DPP6: variants seen among roughly 807,000 people sequenced by gnomAD.
DPP6 encodes dipeptidyl peptidase like 6, also known as A-type potassium channel modulatory protein DPP6.
A neutral mutation model predicts 122.6 loss-of-function variants in DPP6; 69 were observed. The ratio of observed to expected loss-of-function variants is 0.56; its 90% confidence interval spans 0.46 to 0.69. The LOEUF is 0.69. Ranked by LOEUF, DPP6 falls within the 30% of genes least tolerant of loss-of-function variation. The probability of loss-of-function intolerance (pLI) is 0.00; values close to 1 mark genes in which losing one functional copy is unlikely to be tolerated. For synonymous variants in DPP6, 418 were observed against 433.1 expected (o/e 0.97, Z 0.43); for missense variants, 928 against 1,116.9 (o/e 0.83, Z 2.41).
chr7:154,588,146 C>T (rs567685189), intron 5 of DPP6: 1 of 1,553,980 alleles, frequency 6.4e-7, no homozygotes, highest in Non-Finnish European at 8.7e-7. Context: ...GAGAGACACG[C>T]TGTCATCAGG....
At chr7:153,987,004 A>G (rs1321860069) in intron 1 of DPP6, among the ~76,000 whole-genome samples, 1 of 152,216 alleles carries the variant, frequency 6.6e-6, no homozygotes, top group Admixed American at 6.5e-5. Context: ...TATCCAGAGT[A>G]AGGTTAGTTC....
At chr7:153,808,515 T>C in the DPP6 span, among the ~76,000 whole-genome samples, 2 of 152,006 alleles carry the variant, frequency 1.3e-5, no homozygotes, top group Non-Finnish European at 2.9e-5. Flanking sequence ...AATACAGTGT[T>C]ATATACATTA....
At chr7:153,870,353 T>G in the DPP6 span, among the ~76,000 whole-genome samples, 2 of 152,220 alleles carry the variant, frequency 1.3e-5, no homozygotes, top group African/African-American at 4.8e-5. Context: ...TTTGTTTCTT[T>G]TTATTCTTTT....
the DPP6 span, among the ~76,000 whole-genome samples, chr7:153,852,925 G>A: frequency 6.6e-6 from 1 of 152,296 alleles, no homozygotes; most frequent in East Asian, 1.9e-4. Flanking sequence ...AATTAAGGAA[G>A]AGAACGGACA....
intron 1 of DPP6, among the ~76,000 whole-genome samples, chr7:154,136,490 G>A (rs941739775): frequency 7.9e-5 from 12 of 152,128 alleles, no homozygotes; most frequent in African/African-American, 2.4e-4. Flanking sequence ...GAAAAGGTGC[G>A]CGGTGCATTT....
intron 5 of DPP6, among the ~76,000 whole-genome samples, chr7:154,581,433 A>G (rs1275509210): frequency 2.0e-5 from 3 of 152,276 alleles, no homozygotes; most frequent in African/African-American, 4.8e-5. Context: ...ACTTCCTCCC[A>G]CACACCCTGA....
chr7:154,030,544 T>A (rs941062776), intron 1 of DPP6, among the ~76,000 whole-genome samples: 4 of 152,132 alleles, frequency 2.6e-5, no homozygotes, highest in Admixed American at 2.6e-4. Context: ...TTCCTGCTGC[T>A]CCAAAGCTGT....
At chr7:153,866,587 C>T in the DPP6 span, among the ~76,000 whole-genome samples, 1 of 152,238 alleles carries the variant, frequency 6.6e-6, no homozygotes, top group Admixed American at 6.5e-5. Flanking sequence ...AATTTTCTCC[C>T]ATTCTGTAGG....
chr7:154,061,814 G>A (rs1463328450), intron 1 of DPP6, among the ~76,000 whole-genome samples: 43 of 121,086 alleles, frequency 3.6e-4, no homozygotes, highest in African/African-American at 1.4e-3. Flanking sequence ...GACTGAGAGC[G>A]AGCCCCTCTT....
intron 10 of DPP6, chr7:154,793,724 C>T (rs1797834064): frequency 5.8e-6 from 1 of 172,598 alleles, no homozygotes; most frequent in South Asian, 1.7e-4. Flanking sequence ...GTTAGTTGTG[C>T]GTTTGCCTGG....
chr7:154,416,029 GGTC>G (rs1352171763), intron 1 of DPP6, among the ~76,000 whole-genome samples: 2 of 151,704 alleles, frequency 1.3e-5, no homozygotes, highest in Non-Finnish European at 1.5e-5. Flanking sequence ...AATTACCTGT[GGTC>G]AACTGAGATC....
At chr7:153,946,040 G>A (rs931140112) in intron 1 of DPP6, among the ~76,000 whole-genome samples, 66 of 152,088 alleles carry the variant, frequency 4.3e-4, no homozygotes, top group Non-Finnish European at 3.5e-4. Flanking sequence ...CTGCAGCCTC[G>A]TCCATCAGAG....
At chr7:154,332,370 C>T (rs1478784847) in intron 1 of DPP6, among the ~76,000 whole-genome samples, 1 of 152,226 alleles carries the variant, frequency 6.6e-6, no homozygotes. Flanking sequence ...CCACACCCGG[C>T]CATGGTTTTC....
intron 1 of DPP6, among the ~76,000 whole-genome samples, chr7:154,280,846 A>T (rs995818031): frequency 6.6e-6 from 1 of 152,200 alleles, no homozygotes; most frequent in Admixed American, 6.5e-5. Flanking sequence ...CAATTATCGT[A>T]GCCATCCCAC....
chr7:154,377,476 C>A (rs552080572), intron 1 of DPP6, among the ~76,000 whole-genome samples: 1 of 152,252 alleles, frequency 6.6e-6, no homozygotes, highest in East Asian at 1.9e-4. Context: ...GTGTCTCCAC[C>A]CAAATCTCAT....
chr7:154,432,650 A>G (rs7779869), intron 1 of DPP6, among the ~76,000 whole-genome samples: 24,155 of 152,126 alleles, frequency 0.16, 2,132 homozygotes, highest in African/African-American at 0.23. Flanking sequence ...GGGTTTGGTT[A>G]TTGTCATTAT....
intron 1 of DPP6, among the ~76,000 whole-genome samples, chr7:154,145,461 T>C (rs1563245208): frequency 2.0e-5 from 3 of 152,228 alleles, no homozygotes; most frequent in Admixed American, 6.5e-5. Context: ...CATGGGACCC[T>C]GAGCTGTGAG....
chr7:154,508,344 T>C (rs1236848626), intron 3 of DPP6, among the ~76,000 whole-genome samples: 4 of 152,162 alleles, frequency 2.6e-5, no homozygotes, highest in Non-Finnish European at 5.9e-5. Context: ...TGGGGGTTCC[T>C]CCATGGAGTC....
At chr7:153,803,173 C>T in the DPP6 span, among the ~76,000 whole-genome samples, 666 of 149,374 alleles carry the variant, frequency 4.5e-3, 4 homozygotes, top group African/African-American at 8.8e-3. Flanking sequence ...TGTTCTTCTA[C>T]GATGCCAGCA....
Sources: allele counts gnomAD v4.1 joint callset (sites outside exome capture counted in the v4.1 genomes callset), GRCh38; gene constraint gnomAD v4.1.1; transcripts MANE v1.5; gene names NCBI Gene and HGNC (gene_info 2026-07-23, HGNC 2026-07-21).